Variants in CNTNAP2 observed in about 807,000 individuals in gnomAD.
CNTNAP2 encodes contactin associated protein 2, also known as contactin-associated protein-like 2.
A neutral mutation model predicts 155.2 loss-of-function variants in CNTNAP2; 98 were observed. The observed-to-expected ratio is 0.63, with a 90% CI of 0.54 to 0.75. The LOEUF is 0.75. Ranked by LOEUF, CNTNAP2 falls within the 30% of genes least tolerant of loss-of-function variation. The probability of loss-of-function intolerance (pLI) is 0.00; values close to 1 mark genes in which losing one functional copy is unlikely to be tolerated. For missense variants in CNTNAP2, 1,727 were observed against 1,688.1 expected (o/e 1.02, Z -0.40); for synonymous variants, 651 against 631.2 (o/e 1.03, Z -0.47).
At chr7:146,131,049 T>A (rs755516257) in intron 1 of CNTNAP2, among the ~76,000 whole-genome samples, 5 of 152,212 alleles carry the variant, frequency 3.3e-5, no homozygotes, top group Non-Finnish European at 7.3e-5. Context: ...TATCAATCGC[T>A]GACTTTAAAG....
intron 8 of CNTNAP2, among the ~76,000 whole-genome samples, chr7:147,215,581 A>G (rs1036689104): frequency 1.3e-5 from 2 of 152,152 alleles, no homozygotes; most frequent in Non-Finnish European, 2.9e-5. Flanking sequence ...TCATTTATCC[A>G]TTCACCTACT....
chr7:146,190,600 A>G (rs1199371039), intron 1 of CNTNAP2, among the ~76,000 whole-genome samples: 2 of 152,180 alleles, frequency 1.3e-5, no homozygotes, highest in East Asian at 3.9e-4. Flanking sequence ...TTCGCCTTAC[A>G]ATCAGGATTG....
At chr7:147,518,587 A>C (rs1045201905) in intron 11 of CNTNAP2, among the ~76,000 whole-genome samples, 2 of 152,238 alleles carry the variant, frequency 1.3e-5, no homozygotes, top group Admixed American at 1.3e-4. Flanking sequence ...GAGTTGGATC[A>C]TGTGTTCTCT....
At chr7:147,731,759 C>A (rs935752511) in intron 13 of CNTNAP2, among the ~76,000 whole-genome samples, 1 of 152,046 alleles carries the variant, frequency 6.6e-6, no homozygotes, top group African/African-American at 2.4e-5. Context: ...CTGGAAAGGA[C>A]CCACCATTTT....
At chr7:147,770,263 A>G (rs1797449371) in intron 13 of CNTNAP2, among the ~76,000 whole-genome samples, 1 of 152,180 alleles carries the variant, frequency 6.6e-6, no homozygotes, top group East Asian at 1.9e-4. Context: ...CTACACTACT[A>G]TAGTGTTGTT....
At position 146,935,417 on chromosome 7, in the gene CNTNAP2, G is replaced by A. The variant is rs538764052; in HGVS notation, c.402+95513G>A. Reference sequence around the variant, plus strand: ...GGTGAGAGACTTAAATGGTACATACGTTGCCTCATAATCAGTCAGAAACAG... The same window carrying A: ...GGTGAGAGACTTAAATGGTACATACATTGCCTCATAATCAGTCAGAAACAG... On this transcript the variant is annotated intron_variant, in intron 3 of 23. Transcript: ENST00000361727. Among the ~76,000 whole-genome samples the A allele has an allele frequency of 7.9e-5, 12 of 152,264 alleles. No individual in the cohort carries two copies. In the South Asian group the frequency reaches 1.2e-3, roughly 16 times the overall value.
intron 3 of CNTNAP2, among the ~76,000 whole-genome samples, chr7:147,033,174 A>ATATATATATATG (rs1563051515): frequency 1.3e-4 from 6 of 47,520 alleles, no homozygotes; most frequent in African/African-American, 4.9e-4. Flanking sequence ...ATATATATAT[A>ATATATATATATG]TATATATATA....
At chr7:147,413,454 T>A (rs1206444051) in intron 10 of CNTNAP2, among the ~76,000 whole-genome samples, 1 of 152,138 alleles carries the variant, frequency 6.6e-6, no homozygotes, top group East Asian at 1.9e-4. Context: ...CCAAAAGTTA[T>A]TTACATGGTA....
At chr7:148,127,496 A>G (rs1422584787) in intron 16 of CNTNAP2, among the ~76,000 whole-genome samples, 3 of 152,214 alleles carry the variant, frequency 2.0e-5, no homozygotes, top group African/African-American at 7.2e-5. Context: ...CATTTAGCAG[A>G]CATATCTCCA....
chr7:146,666,683 T>A (rs1441198052), intron 1 of CNTNAP2, among the ~76,000 whole-genome samples: 1 of 152,214 alleles, frequency 6.6e-6, no homozygotes, highest in Non-Finnish European at 1.5e-5. Context: ...TTTTTGATAA[T>A]AGCCATCCTA....
intron 13 of CNTNAP2, among the ~76,000 whole-genome samples, chr7:147,654,501 T>C (rs1795495527): frequency 6.6e-6 from 1 of 152,228 alleles, no homozygotes; most frequent in Non-Finnish European, 1.5e-5. Context: ...ATTAAAGTTT[T>C]ATCATGAGAT....
At chr7:147,706,616 T>A (rs1030962294) in intron 13 of CNTNAP2, among the ~76,000 whole-genome samples, 6 of 152,204 alleles carry the variant, frequency 3.9e-5, no homozygotes, top group African/African-American at 1.4e-4. Context: ...AGAAGGCCTT[T>A]AGGAATTGTA....
At chr7:147,920,101 G>A (rs1800244797) in intron 14 of CNTNAP2, among the ~76,000 whole-genome samples, 1 of 151,426 alleles carries the variant, frequency 6.6e-6, no homozygotes, top group Non-Finnish European at 1.5e-5. Context: ...GCTCATGCCT[G>A]TAATCCCAGC....
intron 15 of CNTNAP2, among the ~76,000 whole-genome samples, chr7:148,028,259 T>C (rs1413454177): frequency 6.6e-6 from 1 of 152,220 alleles, no homozygotes; most frequent in African/African-American, 2.4e-5. Context: ...GAGTAACTGA[T>C]TTCTCTCAAG....
intron 11 of CNTNAP2, among the ~76,000 whole-genome samples, chr7:147,492,072 GT>G (rs1798618975): frequency 1.3e-5 from 2 of 152,248 alleles, no homozygotes; most frequent in South Asian, 4.1e-4. Flanking sequence ...ACTCTCCAAC[GT>G]TTTTGGCACC....
chr7:146,369,792 T>C (rs1380863938), intron 1 of CNTNAP2, among the ~76,000 whole-genome samples: 1 of 152,112 alleles, frequency 6.6e-6, no homozygotes, highest in Non-Finnish European at 1.5e-5. Flanking sequence ...AAAATAATAT[T>C]TTTATAATAT....
intron 1 of CNTNAP2, among the ~76,000 whole-genome samples, chr7:146,268,918 T>C (rs1362823595): frequency 1.3e-5 from 2 of 152,212 alleles, no homozygotes; most frequent in Non-Finnish European, 2.9e-5. Flanking sequence ...AAACAATAGC[T>C]GTGAAAGTCT....
chr7:147,887,547 T>C (rs1455747883), intron 13 of CNTNAP2, among the ~76,000 whole-genome samples: 1 of 152,122 alleles, frequency 6.6e-6, no homozygotes, highest in Non-Finnish European at 1.5e-5. Flanking sequence ...TTGAGGAAGA[T>C]CCTTGAGGCC....
chr7:147,942,216 C>T (rs949931563), intron 14 of CNTNAP2, among the ~76,000 whole-genome samples: 2 of 152,102 alleles, frequency 1.3e-5, no homozygotes, highest in African/African-American at 2.4e-5. Context: ...TTGCCCCATA[C>T]GGAAATCTGA....
Sources: gnomAD v4.1 joint callset for allele counts (sites outside exome capture counted in the v4.1 genomes callset) on GRCh38, gnomAD v4.1.1 for gene constraint, MANE v1.5 for transcripts, NCBI Gene and HGNC (gene_info 2026-07-23, HGNC 2026-07-21) for gene names.